Variants in COL22A1 observed in about 807,000 individuals in gnomAD.
COL22A1 encodes collagen type XXII alpha 1 chain, also known as collagen alpha-1(XXII) chain.
In COL22A1, 221 loss-of-function variants were observed where a neutral mutation model predicts 248.9. That is an observed-to-expected ratio of 0.89 (90% CI 0.80 to 0.99). COL22A1 has a LOEUF of 0.99. Ranked by LOEUF, COL22A1 falls within the 50% of genes least tolerant of loss-of-function variation. The pLI is 0.00. For missense variants in COL22A1, 2,240 were observed against 2,179.0 expected, an observed-to-expected ratio of 1.03 and a Z score of -0.56; for synonymous variants, 891 against 793.4, an observed-to-expected ratio of 1.12 and a Z score of -2.07.
At chr8:138,595,628 C>T (rs1008431952) in intron 62 of COL22A1, among the ~76,000 whole-genome samples, 2 of 152,114 alleles carry the variant, frequency 1.3e-5, no homozygotes, top group African/African-American at 4.8e-5. Context: ...GCCCTCATTT[C>T]CATACAGGAA....
intron 7 of COL22A1, among the ~76,000 whole-genome samples, chr8:138,818,856 T>A (rs2131737312): frequency 6.6e-6 from 1 of 152,348 alleles, no homozygotes; most frequent in African/African-American, 2.4e-5. Context: ...CCTCAGCAAC[T>A]GCATATAAAA....
chr8:138,590,032 A>G (rs1364934661), intron 64 of COL22A1, among the ~76,000 whole-genome samples: 1 of 152,056 alleles, frequency 6.6e-6, no homozygotes, highest in Admixed American at 6.6e-5. Flanking sequence ...TGACACTTAA[A>G]ATAGTCCAAA....
intron 10 of COL22A1, among the ~76,000 whole-genome samples, chr8:138,803,630 T>C (rs1266126842): frequency 1.3e-5 from 2 of 152,050 alleles, no homozygotes; most frequent in Admixed American, 6.6e-5. Context: ...GGGGCCCTCA[T>C]AACTGTCCAG....
intron 47 of COL22A1, among the ~76,000 whole-genome samples, chr8:138,642,425 A>G (rs957542623): frequency 2.0e-5 from 3 of 152,208 alleles, no homozygotes; most frequent in African/African-American, 7.2e-5. Flanking sequence ...CTCATCATGC[A>G]GGGTTAGATC....
In COL22A1 at chr8:138,857,399, C is replaced by T. The variant is rs567432676; in HGVS notation, c.659-13241G>A. Among the ~76,000 whole-genome samples the T allele has an allele frequency of 5.9e-5, 9 of 152,338 alleles. No homozygotes were observed. The South Asian group carries it at 1.0e-3, about 18-fold the overall frequency. On this transcript the variant is annotated intron_variant, in intron 3 of 64. Coordinates refer to ENST00000303045, the MANE Select transcript of COL22A1 (RefSeq NM_152888.3). ...ATGACCACACCCTTCCATGCCCTGG[C>T]CAAACACAGCTTCGCCTGGACATTC...
At chr8:138,830,524 GC>G (rs1312294712) in intron 5 of COL22A1, among the ~76,000 whole-genome samples, 1 of 152,016 alleles carries the variant, frequency 6.6e-6, no homozygotes, top group Non-Finnish European at 1.5e-5. Context: ...TGGGTGCTTT[GC>G]CATTAAAAAA....
chr8:138,616,484 A>C (rs1197422108), intron 54 of COL22A1, among the ~76,000 whole-genome samples: 1 of 152,214 alleles, frequency 6.6e-6, no homozygotes, highest in Non-Finnish European at 1.5e-5. Flanking sequence ...GTTAAAGGAT[A>C]AGAAAATAGT....
At chr8:138,660,965 C>CATAA (rs1340576821) in intron 43 of COL22A1, among the ~76,000 whole-genome samples, 2 of 18,340 alleles carry the variant, frequency 1.1e-4, no homozygotes, top group Non-Finnish European at 5.6e-4. Flanking sequence ...GACACACACG[C>CATAA]ACACACACAT....
intron 23 of COL22A1, among the ~76,000 whole-genome samples, chr8:138,728,998 C>A (rs377169700): frequency 7.9e-5 from 12 of 152,172 alleles, no homozygotes; most frequent in African/African-American, 2.6e-4. Context: ...GAAGCACAAC[C>A]CGGGAGAGAG....
chr8:138,735,993 G>A (rs1831079424), intron 23 of COL22A1, among the ~76,000 whole-genome samples: 1 of 152,082 alleles, frequency 6.6e-6, no homozygotes, highest in Non-Finnish European at 1.5e-5. Context: ...AGCTCCAGGA[G>A]GACCAAACGG....
chr8:138,701,172 C>T (rs1827934694), intron 31 of COL22A1, among the ~76,000 whole-genome samples: 1 of 152,166 alleles, frequency 6.6e-6, no homozygotes, highest in South Asian at 2.1e-4. Flanking sequence ...CTTCCCTCTC[C>T]ACCATGCAAA....
intron 36 of COL22A1, among the ~76,000 whole-genome samples, chr8:138,690,497 C>T (rs903142600): frequency 4.6e-5 from 7 of 152,154 alleles, no homozygotes; most frequent in African/African-American, 1.2e-4. Context: ...CCCCAATAGC[C>T]GTCAGGGGAC....
Position 138,821,305 on chromosome 8 carries a change from A to G in COL22A1, c.1076T>C (p.Leu359Pro). Residue 359 changes from leucine to proline, a missense_variant, in exon 7 of 65, where the codon CTC (leucine) becomes CCC (proline). By Grantham distance (98) the Leu-to-Pro change is moderately conservative. Coordinates refer to ENST00000303045, the MANE Select transcript of COL22A1 (RefSeq NM_152888.3). ...CATCTTGTGCCAGTCCCGGTCAAAGAGGTCATTGACCCGAGAACCTCGGAA... is the reference window on the plus strand; with the variant it reads ...CATCTTGTGCCAGTCCCGGTCAAAGGGGTCATTGACCCGAGAACCTCGGAA... The part of the protein sequence containing the change: ...VVFRGSRVND[L>P]FDRDWHKMAL... 6.2e-7 allele frequency: 1 copy of G among 1,614,178 alleles called. No individual in the cohort carries two copies. Among genetic ancestry groups the G allele is most frequent in the Non-Finnish European group, 8.5e-7 (1 of 1,180,018 alleles).
At chr8:138,866,762 CA>C (rs781575434) in intron 3 of COL22A1, among the ~76,000 whole-genome samples, 9 of 152,176 alleles carry the variant, frequency 5.9e-5, no homozygotes, top group Non-Finnish European at 1.2e-4. Flanking sequence ...GATTCATGTC[CA>C]AAACCTAGGA....
rs540691129 is a variant in COL22A1 at position 138,737,875 on chromosome 8, A to C, written c.2086-298T>G. On this transcript the variant is annotated intron_variant, in intron 22 of 64. Coordinates refer to ENST00000303045, the MANE Select transcript of COL22A1 (RefSeq NM_152888.3). ...TATACCCAAGAAAAGTCTCCTTTTA[A>C]TCCCAGTCTCAGCCACTCAGTTCCT... Among the ~76,000 whole-genome samples the C allele has an allele frequency of 1.1e-4, 16 of 152,228 alleles. No individual in the cohort carries two copies. In the South Asian group the frequency reaches 3.3e-3, roughly 32 times the overall value.
intron 59 of COL22A1, among the ~76,000 whole-genome samples, chr8:138,602,636 C>A (rs2131837219): frequency 6.6e-6 from 1 of 152,304 alleles, no homozygotes; most frequent in East Asian, 1.9e-4. Flanking sequence ...CTGCAGGTCT[C>A]CTCTTCAGGA....
intron 47 of COL22A1, among the ~76,000 whole-genome samples, chr8:138,637,235 T>C (rs886867346): frequency 2.0e-5 from 3 of 151,762 alleles, no homozygotes; most frequent in South Asian, 2.1e-4. Flanking sequence ...GTTCCAGGAG[T>C]GGCAGGAAAA....
chr8:138,805,280 G>GTA (rs368051507), intron 10 of COL22A1, among the ~76,000 whole-genome samples: 2 of 145,364 alleles, frequency 1.4e-5, no homozygotes, highest in African/African-American at 5.2e-5. Flanking sequence ...GTGTGTGTGT[G>GTA]ATGGTGTGTG....
chr8:138,725,185 A>T (rs1456456186), intron 24 of COL22A1, among the ~76,000 whole-genome samples: 3 of 152,222 alleles, frequency 2.0e-5, no homozygotes, highest in Non-Finnish European at 4.4e-5. Context: ...CATTAGCTCC[A>T]GTGATACTCT....
Sources: gnomAD v4.1 joint callset for allele counts (sites outside exome capture counted in the v4.1 genomes callset) on GRCh38, gnomAD v4.1.1 for gene constraint, MANE v1.5 for transcripts, NCBI Gene and HGNC (gene_info 2026-07-23, HGNC 2026-07-21) for gene names.